The following RBM6 variants were observed in gnomAD, a reference collection of about 807,000 sequenced individuals.
RBM6 encodes the protein RNA-binding protein 6.
RBM6 carries 23 observed loss-of-function variants against 140.4 expected under a neutral mutation model. The ratio of observed to expected loss-of-function variants is 0.16; its 90% CI spans 0.12 to 0.23. RBM6 has a LOEUF of 0.23. RBM6 is among the 10% of genes least tolerant of loss of function. The pLI is 1.00. For missense variants in RBM6, 1,139 were observed against 1,386.7 expected (o/e 0.82, Z 2.84); for synonymous variants, 439 against 475.6 (o/e 0.92, Z 1.00).
chr3:50,040,485 TATATATATACACACACAC>T lies in RBM6; in HGVS notation c.1558-7758_1558-7741del, dbSNP rs1235406230. On this transcript the variant is annotated intron_variant, in intron 6 of 20. Transcript: ENST00000266022. ...AAAAAAAAAAAAATATATATATATA[TATATATATACACACACAC>T]ACACACACACACACGTGTGTATATA... is the stretch of plus-strand genomic sequence containing the variant. Among the ~76,000 whole-genome samples, 6 of 119,880 alleles carry T rather than the reference TATATATATACACACACAC, an allele frequency of 5.0e-5. No homozygotes were observed. In the South Asian group the frequency reaches 7.3e-4, roughly 15 times the overall value. 78.6% of individuals were successfully genotyped at this position (119,880 alleles called of 152,430 possible).
intron 16 of RBM6, chr3:50,065,547 G>T: frequency 2.2e-6 from 1 of 458,172 alleles, no homozygotes; most frequent in South Asian, 1.5e-5. Context: ...TGTTCAGAGT[G>T]AATGATGCTA....
In RBM6 at chr3:50,053,110, T is replaced by G. The variant is rs566792215; in HGVS notation, c.1633-1225T>G. ...GATCTTCCTCAAGTGAGTTAACCTC[T>G]CTAGGCCTCAGTTTCCTCATCTACA... On this transcript the variant is annotated intron_variant, in intron 7 of 20. Coordinates refer to ENST00000266022, the MANE Select transcript of RBM6 (RefSeq NM_005777.3). Among the ~76,000 whole-genome samples the G allele has an allele frequency of 2.0e-5, 3 of 152,122 alleles. No homozygotes were observed. In the South Asian group the frequency reaches 6.2e-4, roughly 32 times the overall value.
intron 2 of RBM6, among the ~76,000 whole-genome samples, chr3:49,963,216 A>G (rs915796083): frequency 1.3e-5 from 2 of 151,522 alleles, no homozygotes; most frequent in Admixed American, 6.6e-5. Context: ...GTTTTGTCAC[A>G]TAGCATTTTA....
chr3:50,043,487 C>A (rs368907042), intron 6 of RBM6, among the ~76,000 whole-genome samples: 13 of 141,334 alleles, frequency 9.2e-5, no homozygotes, highest in Admixed American at 1.4e-4. Context: ...GACCCTGTCT[C>A]AAAAAAAAAA....
At chr3:50,014,190 G>A (rs2086997777) in intron 6 of RBM6, among the ~76,000 whole-genome samples, 1 of 152,146 alleles carries the variant, frequency 6.6e-6, no homozygotes, top group Non-Finnish European at 1.5e-5. Context: ...ATTGGCAAGG[G>A]GGTTTGGGAA....
At position 50,057,512 on chromosome 3, in the gene RBM6, C is replaced by T. The variant is rs149806752; in HGVS notation, c.1694-216C>T. ...CTGAGGCAGGAGAATCGCTTGAACC[C>T]GGGAGGCAGAGGTTGCAGTGAGCCA... On this transcript the variant is annotated intron_variant, in intron 8 of 20. Coordinates refer to ENST00000266022, the MANE Select transcript of RBM6 (RefSeq NM_005777.3). 1.8e-3 allele frequency among the ~76,000 whole-genome samples: 245 copies of T among 133,078 alleles called. 5 individuals carry two copies. In the East Asian group the frequency reaches 0.058, roughly 31 times the overall value. The allele number at this position is 133,078 out of a possible 152,430, so 87.3% of individuals were successfully genotyped here. A position where few individuals can be genotyped will look rare whatever the true frequency, so the allele number is the denominator to read the frequency against.
At chr3:49,981,076 G>C (rs983117011) in intron 5 of RBM6, among the ~76,000 whole-genome samples, 1 of 151,734 alleles carries the variant, frequency 6.6e-6, no homozygotes, top group Non-Finnish European at 1.5e-5. Flanking sequence ...CTAATTTTTT[G>C]TATTTTTTAG....
At chr3:49,959,375 AT>A (rs2084174156) in intron 1 of RBM6, among the ~76,000 whole-genome samples, 1 of 94,712 alleles carries the variant, frequency 1.1e-5, no homozygotes, top group Non-Finnish European at 2.2e-5. Flanking sequence ...TTTTTTTTGT[AT>A]TTTTAGTAGA....
chr3:49,964,627 T>G (rs1490226791), intron 2 of RBM6, among the ~76,000 whole-genome samples: 3 of 152,234 alleles, frequency 2.0e-5, no homozygotes, highest in African/African-American at 7.2e-5. Context: ...TGGCTCTTCA[T>G]GGAAAAAGTT....
At position 49,968,161 on chromosome 3, in the gene RBM6, G is replaced by C. The variant is rs1401813876; in HGVS notation, c.736G>C (p.Asp246His). The change falls in exon 3 of 21, where the codon GAC becomes CAC. Residue 246 changes from aspartate (D) to histidine (H), a missense_variant. This residue lies in a region of RBM6 where 566 missense variants were observed against 612.7 expected (regional missense o/e 0.92). Transcript: ENST00000266022. The part of the protein sequence containing the change: ...RGRGSGTTDL[D>H]FRDRDTPHSD... Reference sequence around the variant, plus strand: ...CCGAGGTTCAGGTACTACTGATCTAGACTTTAGGGACAGGGATACGCCACA... The same window carrying C: ...CCGAGGTTCAGGTACTACTGATCTACACTTTAGGGACAGGGATACGCCACA... 1.2e-6 allele frequency: 2 copies of C among 1,614,064 alleles called. No homozygotes were observed. The highest frequency in any genetic ancestry group is 3.3e-5 in the Admixed American group (2 of 59,984).
chr3:49,999,607 C>G (rs550486982), intron 6 of RBM6, 94 bp downstream of exon 6: 151 of 1,078,498 alleles, frequency 1.4e-4, no homozygotes, highest in Non-Finnish European at 2.1e-4. Context: ...TGGAAAGGTA[C>G]AAGAAGTCTA....
chr3:49,972,871 G>A (rs769369726), intron 4 of RBM6, among the ~76,000 whole-genome samples: 3 of 152,194 alleles, frequency 2.0e-5, no homozygotes, highest in East Asian at 1.9e-4. Flanking sequence ...TTGCTTTGTC[G>A]CCCAGGCTGG....
chr3:50,043,523 TATATAC>T (rs935226487), intron 6 of RBM6, among the ~76,000 whole-genome samples: 1 of 151,778 alleles, frequency 6.6e-6, no homozygotes, highest in Non-Finnish European at 1.5e-5. Flanking sequence ...CTCTTCTTTT[TATATAC>T]ATATACATAT....
intron 1 of RBM6, among the ~76,000 whole-genome samples, chr3:49,960,421 A>G (rs1038614032): frequency 2.0e-5 from 3 of 152,216 alleles, no homozygotes; most frequent in East Asian, 1.9e-4. Flanking sequence ...TGATGTTTCT[A>G]TGAAGGAATG....
intron 6 of RBM6, among the ~76,000 whole-genome samples, chr3:50,039,709 A>G (rs1344752498): frequency 6.6e-6 from 1 of 152,188 alleles, no homozygotes; most frequent in East Asian, 1.9e-4. Flanking sequence ...GAGTGCTAAT[A>G]GTTGGAGTTT....
At chr3:49,961,879 G>C (rs1242727852) in intron 1 of RBM6, among the ~76,000 whole-genome samples, 1 of 151,874 alleles carries the variant, frequency 6.6e-6, no homozygotes, top group Non-Finnish European at 1.5e-5. Flanking sequence ...CTTCCAGCTG[G>C]ATGCGGTGGC....
chr3:50,038,053 C>A (rs1199084013), intron 6 of RBM6, among the ~76,000 whole-genome samples: 1 of 151,960 alleles, frequency 6.6e-6, no homozygotes, highest in Non-Finnish European at 1.5e-5. Context: ...AACTCCTGAC[C>A]TCAGGTGATC....
intron 1 of RBM6, among the ~76,000 whole-genome samples, chr3:49,953,416 C>T (rs1052004354): frequency 6.6e-6 from 1 of 151,666 alleles, no homozygotes; most frequent in Non-Finnish European, 1.5e-5. Context: ...GACGGGATTT[C>T]ACCACATTGG....
chr3:49,961,523 G>A (rs947526497), intron 1 of RBM6, among the ~76,000 whole-genome samples: 7 of 151,924 alleles, frequency 4.6e-5, no homozygotes, highest in Non-Finnish European at 8.8e-5. Context: ...TTTTCTGGCC[G>A]GGCACGGTGG....
Sources: gnomAD v4.1 joint callset for allele counts (sites outside exome capture counted in the v4.1 genomes callset) on GRCh38, gnomAD v4.1.1 for gene constraint, gnomAD v4.1.1 regional missense constraint, MANE v1.5 for transcripts, NCBI Gene and HGNC (gene_info 2026-07-23, HGNC 2026-07-21) for gene names.